The following GALNT18 variants were observed in gnomAD, a reference collection of about 807,000 sequenced individuals.
The protein encoded by GALNT18 is polypeptide N-acetylgalactosaminyltransferase 18, also known as GalNAc-transferase 18.
Under a neutral mutation model 69.5 loss-of-function variants are expected in GALNT18, and 44 were observed. The observed-to-expected ratio is 0.63, with a 90% CI of 0.50 to 0.81. The LOEUF (loss-of-function observed/expected upper bound fraction) is 0.81. Among genes scored for constraint, GALNT18 ranks in the 40% least tolerant of loss-of-function variants. The pLI, the probability that GALNT18 is intolerant of heterozygous loss-of-function variation, is 0.00. For synonymous variants in GALNT18, 364 were observed against 318.2 expected (o/e 1.14, Z -1.53); for missense variants, 715 against 810.0 (o/e 0.88, Z 1.42).
chr11:11,292,151 G>GC (rs1471031314), intron 10 of GALNT18, among the ~76,000 whole-genome samples: 1 of 152,104 alleles, frequency 6.6e-6, no homozygotes. Context: ...ACCATGTACA[G>GC]CCCCCAGGCA....
intron 6 of GALNT18, chr11:11,352,952 G>A (rs1350127067): frequency 6.2e-7 from 1 of 1,613,888 alleles, no homozygotes; most frequent in South Asian, 1.1e-5. Context: ...TGATGTTGAT[G>A]GCTTCAAATA....
intron 6 of GALNT18, among the ~76,000 whole-genome samples, chr11:11,350,093 C>T (rs1320492808): frequency 1.3e-5 from 2 of 152,196 alleles, no homozygotes; most frequent in Admixed American, 6.5e-5. Context: ...CAAGGAGAGA[C>T]AAGCTGGGCT....
intron 6 of GALNT18, among the ~76,000 whole-genome samples, chr11:11,365,623 C>G (rs926053594): frequency 3.3e-5 from 5 of 152,146 alleles, no homozygotes; most frequent in African/African-American, 1.2e-4. Context: ...TATAAGCATT[C>G]CTATTTCTCC....
rs11021947 is a variant in GALNT18 at position 11,590,180 on chromosome 11, C to T, written c.235+31179G>A. ...ATTTCCCAGCTTCCCTTGCAGTCAG[C>T]GGCTGCTACATGGCTGATTCTGTGA... On this transcript the variant is annotated intron_variant, in intron 1 of 10. Coordinates refer to ENST00000227756, the MANE Select transcript of GALNT18 (RefSeq NM_198516.3). This position sits in a 1 kb window ranked among gnomAD's most constrained non-coding sequence, Gnocchi z 4.4. Among the ~76,000 whole-genome samples the T allele has an allele frequency of 2.0e-5, 3 of 152,094 alleles. No homozygotes were observed. Among genetic ancestry groups the T allele is most frequent in the African/African-American group, 4.8e-5 (2 of 41,408 alleles).
intron 3 of GALNT18, among the ~76,000 whole-genome samples, chr11:11,422,746 G>GA (rs1400433131): frequency 1.3e-5 from 2 of 151,996 alleles, no homozygotes; most frequent in Admixed American, 6.6e-5. Context: ...TGATTAGGCA[G>GA]ACTCTGGGCC....
chr11:11,352,556 A>C lies in GALNT18; in HGVS notation c.1093-11552T>G, dbSNP rs190121929. 8.0e-5 allele frequency: 129 copies of C among 1,614,182 alleles called. No individual in the cohort carries two copies. The East Asian group carries it at 2.6e-3, about 33-fold the overall frequency. ...AGTATCGGGAAGCAACTCGGACATTATATTCTTGGCCAGGATGATAAAACT... is the reference window on the plus strand; with the variant it reads ...AGTATCGGGAAGCAACTCGGACATTCTATTCTTGGCCAGGATGATAAAACT... On this transcript the variant is annotated intron_variant, in intron 6 of 10. Transcript: ENST00000227756.
At chr11:11,371,819 T>G (rs1589946728) in intron 6 of GALNT18, among the ~76,000 whole-genome samples, 1 of 152,220 alleles carries the variant, frequency 6.6e-6, no homozygotes, top group East Asian at 1.9e-4. Flanking sequence ...CATAGATTTA[T>G]GTTTTCACCG....
intron 1 of GALNT18, among the ~76,000 whole-genome samples, chr11:11,487,502 C>A (rs1233324392): frequency 6.6e-6 from 1 of 152,114 alleles, no homozygotes; most frequent in Non-Finnish European, 1.5e-5. Flanking sequence ...TAAAATATAT[C>A]CAGTGAATAT....
chr11:11,319,726 AT>A (rs916811188), intron 9 of GALNT18, among the ~76,000 whole-genome samples: 6 of 152,210 alleles, frequency 3.9e-5, no homozygotes, highest in African/African-American at 1.4e-4. Context: ...TGAGCCAATG[AT>A]TGGGAAGAGT....
At chr11:11,330,221 C>T (rs1849994537) in intron 8 of GALNT18, among the ~76,000 whole-genome samples, 2 of 152,050 alleles carry the variant, frequency 1.3e-5, no homozygotes, top group Non-Finnish European at 1.5e-5. Context: ...ACTCAGAGTC[C>T]CAGAAGTCAT....
chr11:11,402,753 C>T lies in GALNT18; in HGVS notation c.596-23489G>A, dbSNP rs574706891. On this transcript the variant is annotated intron_variant, in intron 3 of 10. Transcript: ENST00000227756. The surrounding 1 kb of genome is among the most constrained non-coding windows in gnomAD (Gnocchi z 4.0). ...GCATTTTAATGCACCTGCCTTGCAG[C>T]TGCGGGTAAGAACAGCGTCTGCAGG... 7.2e-5 allele frequency among the ~76,000 whole-genome samples: 11 copies of T among 152,332 alleles called. No individual in the cohort carries two copies. The highest frequency in any genetic ancestry group is 6.5e-4 in the Admixed American group (10 of 15,308).
chr11:11,570,901 T>C (rs1374067083), intron 1 of GALNT18, among the ~76,000 whole-genome samples: 5 of 152,204 alleles, frequency 3.3e-5, no homozygotes, highest in Non-Finnish European at 4.4e-5. Context: ...ATCTTCCCTC[T>C]TACCAACCAG....
At chr11:11,271,351 A>C (rs572038879) in intron 10 of GALNT18, 61 bp from the exon 11 acceptor site, 4 of 1,562,894 alleles carry the variant, frequency 2.6e-6, no homozygotes, top group Admixed American at 1.7e-5. Context: ...GAAATTCGGG[A>C]GCCTCAGGCC....
At chr11:11,407,815 C>T (rs1028810544) in intron 3 of GALNT18, among the ~76,000 whole-genome samples, 1 of 152,194 alleles carries the variant, frequency 6.6e-6, no homozygotes, top group African/African-American at 2.4e-5. Flanking sequence ...TTACGAGCAG[C>T]AGGAGTAAAG....
At chr11:11,478,380 G>A (rs1296041894) in intron 1 of GALNT18, among the ~76,000 whole-genome samples, 2 of 152,170 alleles carry the variant, frequency 1.3e-5, no homozygotes, top group Non-Finnish European at 2.9e-5. Flanking sequence ...GGAAGCTACT[G>A]GAAGACATGT....
chr11:11,545,918 C>A (rs955521297), intron 1 of GALNT18, among the ~76,000 whole-genome samples: 1 of 152,200 alleles, frequency 6.6e-6, no homozygotes, highest in Non-Finnish European at 1.5e-5. Context: ...AGAGCATCAA[C>A]TAGCATGCAA....
At chr11:11,379,380 C>A (rs150066332) in intron 3 of GALNT18, 116 bp from the exon 4 acceptor site, 1 of 1,010,380 alleles carries the variant, frequency 9.9e-7, no homozygotes, top group African/African-American at 1.6e-5. Flanking sequence ...GGACCCATTC[C>A]CCTCCCTGGG....
intron 1 of GALNT18, among the ~76,000 whole-genome samples, chr11:11,510,209 T>C (rs1590061906): frequency 6.6e-6 from 1 of 152,196 alleles, no homozygotes; most frequent in Non-Finnish European, 1.5e-5. Context: ...CAATGTGACA[T>C]GAAGGGTGTG....
Position 11,459,668 on chromosome 11 carries a change from AT to A in GALNT18, c.236-10733del, listed in dbSNP as rs1272649836. Among the ~76,000 whole-genome samples the A allele has an allele frequency of 6.6e-6, 1 of 152,184 alleles. No homozygotes were observed. ...AGCTTGCTGTCGAATGTGGATAATAATGTCTATGTCTAAGCTTGTTGCAAAG... is the reference window on the plus strand; with the variant it reads ...AGCTTGCTGTCGAATGTGGATAATAAGTCTATGTCTAAGCTTGTTGCAAAG... On this transcript the variant is annotated intron_variant, in intron 1 of 10. Transcript: ENST00000227756. The surrounding 1 kb of genome is among the most constrained non-coding windows in gnomAD (Gnocchi z 5.0).
Sources: gnomAD v4.1 joint callset for allele counts (sites outside exome capture counted in the v4.1 genomes callset) on GRCh38, gnomAD v4.1.1 for gene constraint, Gnocchi (gnomAD v3.1) non-coding constraint, MANE v1.5 for transcripts, NCBI Gene and HGNC (gene_info 2026-07-23, HGNC 2026-07-21) for gene names.